NEGR1: variants seen among roughly 807,000 people sequenced by gnomAD.
NEGR1 encodes the protein neuronal growth regulator 1.
NEGR1 carries 10 observed loss-of-function variants against 40.9 expected under a neutral mutation model. The ratio of observed to expected loss-of-function variants is 0.24; its 90% confidence interval spans 0.15 to 0.42. NEGR1 has a LOEUF of 0.42. Ranked by LOEUF, NEGR1 falls within the 10% of genes least tolerant of loss-of-function variation. The probability of loss-of-function intolerance (pLI) is 1.00; values close to 1 mark genes in which losing one functional copy is unlikely to be tolerated. For missense variants in NEGR1, 352 were observed against 438.9 expected (o/e 0.80, Z 1.77); for synonymous variants, 185 against 166.8 (o/e 1.11, Z -0.84).
chr1:72,238,299 A>C (rs1159743949), intron 1 of NEGR1, among the ~76,000 whole-genome samples: 5 of 151,944 alleles, frequency 3.3e-5, no homozygotes. Flanking sequence ...AGGAATATAA[A>C]TAAATAAAAT....
intron 1 of NEGR1, among the ~76,000 whole-genome samples, chr1:72,100,498 T>C (rs754185630): frequency 6.6e-6 from 1 of 152,186 alleles, no homozygotes. Context: ...CTCTAGAACA[T>C]AGATGTTTTA....
At chr1:72,241,957 T>C (rs1436737186) in intron 1 of NEGR1, among the ~76,000 whole-genome samples, 1 of 151,676 alleles carries the variant, frequency 6.6e-6, no homozygotes, top group Non-Finnish European at 1.5e-5. Context: ...AATGGGTGAA[T>C]GAGTGTTTAC....
intron 2 of NEGR1, among the ~76,000 whole-genome samples, chr1:71,933,415 T>G (rs1037850898): frequency 9.9e-5 from 15 of 151,984 alleles, no homozygotes; most frequent in African/African-American, 3.4e-4. Flanking sequence ...AACCTACAAG[T>G]TTAAAATGTA....
chr1:71,396,764 CT>C lies in NEGR1; in HGVS notation c.*10681del. On this transcript the variant is annotated 3_prime_UTR_variant, in exon 7 of 7. Coordinates refer to ENST00000357731, the MANE Select transcript of NEGR1 (RefSeq NM_173808.3). The stretch of plus-strand genomic sequence containing the variant: ...TTCTCTGCTGCCATGTGAGATGTGC[CT>C]TTCACCTTCCACCATGATTGTGAGG... 1 of 163,120 alleles carries C rather than the reference CT, an allele frequency of 6.1e-6. No individual in the cohort carries two copies. The highest frequency in any genetic ancestry group is 1.3e-5 in the Non-Finnish European group (1 of 76,834). The allele number at this position is 163,120 out of a possible 1,614,324, so 10.1% of individuals were successfully genotyped here. A position where few individuals can be genotyped will look rare whatever the true frequency, so the allele number is the denominator to read the frequency against.
At chr1:71,925,921 T>A (rs1330192711) in intron 2 of NEGR1, among the ~76,000 whole-genome samples, 1 of 152,130 alleles carries the variant, frequency 6.6e-6, no homozygotes, top group Admixed American at 6.5e-5. Context: ...ATTTGACATG[T>A]ATTACTTACA....
chr1:71,972,162 T>C (rs1430779998), intron 1 of NEGR1, among the ~76,000 whole-genome samples: 1 of 152,196 alleles, frequency 6.6e-6, no homozygotes, highest in African/African-American at 2.4e-5. Flanking sequence ...GAGTGCCAAA[T>C]AGCAGTGCAG....
intron 1 of NEGR1, among the ~76,000 whole-genome samples, chr1:72,045,081 T>G (rs1296812928): frequency 6.6e-6 from 1 of 151,826 alleles, no homozygotes; most frequent in Non-Finnish European, 1.5e-5. Flanking sequence ...AGCCCTATCT[T>G]GTCTATATAA....
At chr1:71,573,974 C>T (rs370047023) in intron 6 of NEGR1, among the ~76,000 whole-genome samples, 3 of 152,274 alleles carry the variant, frequency 2.0e-5, no homozygotes, top group African/African-American at 7.2e-5. Context: ...GTCTCTTGCA[C>T]TGCTGCATGC....
At chr1:71,530,984 T>C (rs1285942377) in intron 6 of NEGR1, among the ~76,000 whole-genome samples, 5 of 151,338 alleles carry the variant, frequency 3.3e-5, no homozygotes, top group Non-Finnish European at 5.9e-5. Flanking sequence ...TTTACCAATA[T>C]TGACTTACTC....
intron 6 of NEGR1, among the ~76,000 whole-genome samples, chr1:71,565,429 T>A (rs1047740777): frequency 6.6e-6 from 1 of 152,202 alleles, no homozygotes; most frequent in Non-Finnish European, 1.5e-5. Flanking sequence ...CAGTTCTTAG[T>A]GGTTTTTCAG....
At chr1:71,777,018 AT>A (rs925713229) in intron 2 of NEGR1, among the ~76,000 whole-genome samples, 7 of 152,076 alleles carry the variant, frequency 4.6e-5, no homozygotes, top group African/African-American at 1.7e-4. Flanking sequence ...ATTGTATTGC[AT>A]TTTCTCTGAT....
intron 6 of NEGR1, among the ~76,000 whole-genome samples, chr1:71,507,874 A>C (rs1451964184): frequency 6.6e-6 from 1 of 152,192 alleles, no homozygotes; most frequent in Non-Finnish European, 1.5e-5. Context: ...AAAGCATTTC[A>C]CCAAACTAAT....
Position 71,807,860 on chromosome 1 carries a change from T to C in NEGR1, c.410-31563A>G, listed in dbSNP as rs1657836341. Among the ~76,000 whole-genome samples the C allele has an allele frequency of 2.0e-5, 3 of 152,162 alleles. 1 individual carries two copies. Among genetic ancestry groups the C allele is most frequent in the African/African-American group, 7.2e-5 (3 of 41,440 alleles). On this transcript the variant is annotated intron_variant, in intron 2 of 6. Transcript: ENST00000357731. ...CTCTGAGATTTCTAAGCACATTCTT[T>C]TTTATTTACTTCTGTTTTCATAAAT... is the stretch of plus-strand genomic sequence containing the variant.
intron 6 of NEGR1, among the ~76,000 whole-genome samples, chr1:71,582,868 C>T (rs936209788): frequency 3.3e-5 from 5 of 152,106 alleles, no homozygotes; most frequent in East Asian, 1.9e-4. Context: ...CAAGTGTGAA[C>T]GCTGCCCTGG....
chr1:72,245,642 A>C (rs1570169662), intron 1 of NEGR1, among the ~76,000 whole-genome samples: 2 of 152,194 alleles, frequency 1.3e-5, no homozygotes, highest in Admixed American at 1.3e-4. Context: ...ATGTTTGGCT[A>C]TTCATTTAGA....
chr1:71,897,717 T>A (rs952687875), intron 2 of NEGR1, among the ~76,000 whole-genome samples: 1 of 152,128 alleles, frequency 6.6e-6, no homozygotes, highest in Non-Finnish European at 1.5e-5. Flanking sequence ...AAAAAGTACA[T>A]AACAATTTAA....
chr1:72,100,760 C>G (rs1466272529), intron 1 of NEGR1: 1 of 152,172 alleles, frequency 6.6e-6, no homozygotes. Context: ...TTAGTTTGCT[C>G]GGGCTTCCAT....
rs546939666 is a variant in NEGR1, at chr1:72,276,502, A to T, written c.176+5817T>A. ...ATAAATGTTCATCAATTTATTTTCC[A>T]CACATAAGAACGTTATATATTTTCC... On this transcript the variant is annotated intron_variant, in intron 1 of 6. Transcript: ENST00000357731. 5.3e-5 allele frequency among the ~76,000 whole-genome samples: 8 copies of T among 152,290 alleles called. No homozygotes were observed. The East Asian group carries it at 1.5e-3, about 29-fold the overall frequency.
At chr1:71,943,731 A>G (rs12406922) in intron 1 of NEGR1, among the ~76,000 whole-genome samples, 17,950 of 152,186 alleles carry the variant, frequency 0.12, 1,152 homozygotes, top group Middle Eastern at 0.21. Flanking sequence ...TTGGTCTGTT[A>G]CTAATTACTA....
Sources: allele counts gnomAD v4.1 joint callset (sites outside exome capture counted in the v4.1 genomes callset), GRCh38; gene constraint gnomAD v4.1.1; transcripts MANE v1.5; gene names NCBI Gene and HGNC (gene_info 2026-07-23, HGNC 2026-07-21).